The following PREX1 variants were observed in gnomAD, a reference collection of about 807,000 sequenced individuals.
PREX1 encodes phosphatidylinositol 3,4,5-trisphosphate-dependent Rac exchanger 1 protein.
A neutral mutation model predicts 198.3 loss-of-function variants in PREX1; 41 were observed. The ratio of observed to expected loss-of-function variants is 0.21; its 90% CI spans 0.16 to 0.27. The LOEUF is 0.27. Among genes scored for constraint, PREX1 ranks in the 10% least tolerant of loss-of-function variants. The pLI, the probability that PREX1 is intolerant of heterozygous loss-of-function variation, is 1.00. For missense variants in PREX1, 1,620 were observed against 2,200.7 expected, an observed-to-expected ratio of 0.74 and a Z score of 5.28; for synonymous variants, 843 against 887.2, an observed-to-expected ratio of 0.95 and a Z score of 0.89.
chr20:48,694,820 T>C (rs573911431), intron 7 of PREX1, among the ~76,000 whole-genome samples: 2 of 151,868 alleles, frequency 1.3e-5, no homozygotes, highest in Admixed American at 1.3e-4. Context: ...CCACGGAGGG[T>C]TGGAGCACAG....
At chr20:48,862,562 T>C in the PREX1 span, among the ~76,000 whole-genome samples, 1 of 151,946 alleles carries the variant, frequency 6.6e-6, no homozygotes, top group Non-Finnish European at 1.5e-5. Flanking sequence ...TCACGTGACC[T>C]TGGACAAGCC....
At chr20:48,742,091 C>T (rs187802093) in intron 3 of PREX1, among the ~76,000 whole-genome samples, 11 of 152,190 alleles carry the variant, frequency 7.2e-5, no homozygotes, top group East Asian at 1.9e-4. Context: ...TCAAAGCCTC[C>T]GACATTCATC....
At chr20:48,725,519 A>G (rs2090005792) in intron 5 of PREX1, among the ~76,000 whole-genome samples, 1 of 152,234 alleles carries the variant, frequency 6.6e-6, no homozygotes. Flanking sequence ...AGGAAACAGC[A>G]GGTGTATGGA....
chr20:48,882,622 T>C, the PREX1 span, among the ~76,000 whole-genome samples: 1 of 151,656 alleles, frequency 6.6e-6, no homozygotes, highest in Non-Finnish European at 1.5e-5. Flanking sequence ...CTGGGTTAAA[T>C]GGCAATTCTA....
intron 14 of PREX1, among the ~76,000 whole-genome samples, chr20:48,669,796 AT>A (rs2089663070): frequency 6.6e-6 from 1 of 152,138 alleles, no homozygotes; most frequent in Non-Finnish European, 1.5e-5. Context: ...GCTGTTCCTG[AT>A]TAGTTATTTT....
At chr20:48,671,355 A>T (rs1178541813) in intron 14 of PREX1, among the ~76,000 whole-genome samples, 1 of 152,234 alleles carries the variant, frequency 6.6e-6, no homozygotes, top group Non-Finnish European at 1.5e-5. Context: ...CTATGAGGCA[A>T]CTCATAAGAA....
In PREX1 at chr20:48,775,125, C is replaced by T. The variant is rs117275635; in HGVS notation, c.220-27245G>A. On this transcript the variant is annotated intron_variant, in intron 1 of 39. Transcript: ENST00000371941. ...TGACCACACCAGGCACTCATTGGTT[C>T]TCTCGGCAAATGACGCATGTAGCAC... is the stretch of plus-strand genomic sequence containing the variant. Among the ~76,000 whole-genome samples the T allele has an allele frequency of 2.4e-3, 361 of 152,328 alleles. 4 individuals are homozygous for T. In the East Asian group the frequency reaches 0.046, roughly 19 times the overall value.
Position 48,632,335 on chromosome 20 carries a change from G to GC in PREX1, c.4467dup (p.Gln1490AlafsTer28). The GC allele has an allele frequency of 6.2e-7, 1 of 1,614,068 alleles. No individual in the cohort carries two copies. The highest frequency in any genetic ancestry group is 8.5e-7 in the Non-Finnish European group (1 of 1,180,010). ...AGGGACTGCGCGTTGATGTCCTGCT[G>GC]CAAATCCTCCGCGGCCTGGCTGCCT... On this transcript the variant is annotated frameshift_variant, in exon 35 of 40. Coordinates refer to ENST00000371941, the MANE Select transcript of PREX1 (RefSeq NM_020820.4). LOFTEE classifies it high-confidence loss of function.
chr20:48,798,603 T>C lies in PREX1; in HGVS notation c.219+29039A>G, dbSNP rs138393223. Among the ~76,000 whole-genome samples, 284 of 152,308 alleles carry C rather than the reference T, an allele frequency of 1.9e-3. 4 individuals carry two copies. Among genetic ancestry groups the C allele is most frequent in the African/African-American group, 6.4e-3 (268 of 41,572 alleles). ...AAGTCCTTTCCCACCTCCCAGCCCA[T>C]GCGCTTGCAAACTGAAGTGTACCTG... On this transcript the variant is annotated intron_variant, in intron 1 of 39. Coordinates refer to ENST00000371941, the MANE Select transcript of PREX1 (RefSeq NM_020820.4).
At chr20:48,795,789 T>C (rs1392825666) in intron 1 of PREX1, among the ~76,000 whole-genome samples, 1 of 152,158 alleles carries the variant, frequency 6.6e-6, no homozygotes, top group African/African-American at 2.4e-5. Flanking sequence ...CTCAGAATGC[T>C]AGGTGATCCT....
chr20:48,646,272 C>T (rs866856321), intron 25 of PREX1, among the ~76,000 whole-genome samples: 4 of 152,204 alleles, frequency 2.6e-5, no homozygotes, highest in African/African-American at 7.2e-5. Flanking sequence ...ATCCTTCCAC[C>T]TCAATAGGCT....
At chr20:48,677,944 C>T (rs2089720795) in intron 13 of PREX1, among the ~76,000 whole-genome samples, 1 of 152,116 alleles carries the variant, frequency 6.6e-6, no homozygotes, top group South Asian at 2.1e-4. Flanking sequence ...CGAGATCATG[C>T]CAATGCACTC....
the PREX1 span, among the ~76,000 whole-genome samples, chr20:48,883,912 G>A: frequency 3.3e-5 from 5 of 152,052 alleles, no homozygotes; most frequent in Non-Finnish European, 5.9e-5. Context: ...GGGCTGAGGT[G>A]GGCAGATCAC....
chr20:48,642,267 C>G lies in PREX1; in HGVS notation c.3685-9G>C, dbSNP rs527581439. The G allele has an allele frequency of 5.6e-6, 9 of 1,614,054 alleles. No individual in the cohort carries two copies. The South Asian group carries it at 8.8e-5, about 16-fold the overall frequency. On this transcript the variant is annotated splice_polypyrimidine_tract_variant and intron_variant, in intron 28 of 39. Coordinates refer to ENST00000371941, the MANE Select transcript of PREX1 (RefSeq NM_020820.4). ...GCATTGATGGAGTCCACCTGGGTGG[C>G]AAGAAGCCTGGGGTTGGTTTGGGCC...
chr20:48,826,351 G>A (rs1385793622), intron 1 of PREX1, among the ~76,000 whole-genome samples: 5 of 148,144 alleles, frequency 3.4e-5, no homozygotes, highest in Admixed American at 2.0e-4. Context: ...CCCTCCACCC[G>A]CTGGCCACTT....
At chr20:48,698,119 C>T (rs1359633393) in intron 7 of PREX1, among the ~76,000 whole-genome samples, 1 of 152,236 alleles carries the variant, frequency 6.6e-6, no homozygotes, top group African/African-American at 2.4e-5. Context: ...TCTCAAGAGA[C>T]ACATGCGCCC....
chr20:48,836,870 T>C, the PREX1 span, among the ~76,000 whole-genome samples: 1 of 116,758 alleles, frequency 8.6e-6, no homozygotes, highest in Non-Finnish European at 1.6e-5. Context: ...ACCACTGCAC[T>C]CCACCTGGGC....
intron 16 of PREX1, 104 bp from the exon 17 acceptor site, chr20:48,658,332 G>T: frequency 8.6e-7 from 1 of 1,164,512 alleles, no homozygotes; most frequent in Non-Finnish European, 1.2e-6. Flanking sequence ...AGGTCTAGTA[G>T]GGAAGTGGCC....
At chr20:48,825,800 G>A (rs1287906089) in intron 1 of PREX1, among the ~76,000 whole-genome samples, 1 of 151,840 alleles carries the variant, frequency 6.6e-6, no homozygotes, top group East Asian at 1.9e-4. Context: ...AGAGACACCA[G>A]GGTTGTCTAC....
Sources: gnomAD v4.1 joint callset for allele counts (sites outside exome capture counted in the v4.1 genomes callset) on GRCh38, gnomAD v4.1.1 for gene constraint, MANE v1.5 for transcripts, NCBI Gene and HGNC (gene_info 2026-07-23, HGNC 2026-07-21) for gene names.